The following NPAS2 variants were observed in gnomAD, a reference collection of about 807,000 sequenced individuals.
The protein encoded by NPAS2 is neuronal PAS domain-containing protein 2.
In NPAS2, 23 loss-of-function variants were observed where a neutral mutation model predicts 107.5. The observed-to-expected ratio is 0.21, with a 90% confidence interval of 0.15 to 0.30. NPAS2 has a LOEUF of 0.30. Ranked by LOEUF, NPAS2 falls within the 10% of genes least tolerant of loss-of-function variation. The pLI, the probability that NPAS2 is intolerant of heterozygous loss-of-function variation, is 1.00. For synonymous variants in NPAS2, 403 were observed against 417.5 expected (o/e 0.97, Z 0.42); for missense variants, 756 against 1,043.3 (o/e 0.72, Z 3.79).
At chr2:100,978,033 T>C (rs1677139676) in intron 15 of NPAS2, among the ~76,000 whole-genome samples, 1 of 152,194 alleles carries the variant, frequency 6.6e-6, no homozygotes, top group Admixed American at 6.5e-5. Context: ...TCAGTAGTTT[T>C]GAGGGAACAG....
chr2:100,940,216 C>T (rs76023220), intron 5 of NPAS2, among the ~76,000 whole-genome samples: 4,175 of 152,236 alleles, frequency 0.027, 91 homozygotes, highest in Non-Finnish European at 0.045. Context: ...GGAGGAAGCC[C>T]CAATGGCCCA....
rs371740917 is a variant in NPAS2 at position 100,865,111 on chromosome 2, A to G, written c.-22-39622A>G. On this transcript the variant is annotated intron_variant, in intron 1 of 20. Coordinates refer to ENST00000335681, the MANE Select transcript of NPAS2 (RefSeq NM_002518.4). ...AGACAGATAATGTCTTGGCTTTATT[A>G]TGAAAATAGTTTAGACTTTATGGAT... Among the ~76,000 whole-genome samples the G allele has an allele frequency of 5.0e-4, 76 of 152,324 alleles. 1 individual carries two copies. The highest frequency in any genetic ancestry group is 1.8e-3 in the African/African-American group (76 of 41,580).
chr2:100,990,950 C>A, intron 19 of NPAS2, 78 bp downstream of exon 19: 3 of 1,201,692 alleles, frequency 2.5e-6, no homozygotes, highest in Non-Finnish European at 2.4e-6. Context: ...CCCGCCTGGG[C>A]CAGCAGCACT....
chr2:100,935,022 G>A (rs180713794), intron 4 of NPAS2: 1 of 985,380 alleles, frequency 1.0e-6, no homozygotes, highest in African/African-American at 1.7e-5. Flanking sequence ...TTCTCTCTAA[G>A]AGGCACAAAA....
Position 100,926,361 on chromosome 2 carries a change from A to G in NPAS2, c.181+1067A>G, listed in dbSNP as rs143827805. Among the ~76,000 whole-genome samples the G allele has an allele frequency of 5.0e-3, 766 of 152,338 alleles. 8 individuals are homozygous for G. Among genetic ancestry groups the G allele is most frequent in the African/African-American group, 0.017 (726 of 41,594 alleles). On this transcript the variant is annotated intron_variant, in intron 3 of 20. Transcript: ENST00000335681. ...CTGAGGAACTGCCAAACTGTTTTCCAAGGTGGCTTGTACCTATTTATATTC... is the reference window on the plus strand; with the variant it reads ...CTGAGGAACTGCCAAACTGTTTTCCGAGGTGGCTTGTACCTATTTATATTC...
At chr2:100,921,822 C>G (rs946004261) in intron 2 of NPAS2, among the ~76,000 whole-genome samples, 2 of 152,154 alleles carry the variant, frequency 1.3e-5, no homozygotes, top group Non-Finnish European at 2.9e-5. Context: ...AATTCCATGC[C>G]TCTGTATTCA....
At position 100,995,493 on chromosome 2, in the gene NPAS2, C is replaced by T; in HGVS notation, c.2386C>T (p.Pro796Ser). ...GCCAGGGACCCTGGGCTACCCCCAA[C>T]CACCCCCAGCACAGCCCCAGCCCCT... ...QQPGTLGYPQ[P>S]PPAQPQPLRP... Residue 796 changes from proline to serine, a missense_variant, in exon 21 of 21, where the codon CCA becomes TCA. Around this residue, in one of 4 missense-constraint regions of NPAS2, gnomAD observed 496 missense variants for 594.4 expected, o/e 0.83. Coordinates refer to ENST00000335681, the MANE Select transcript of NPAS2 (RefSeq NM_002518.4). 6.2e-7 allele frequency: 1 copy of T among 1,613,252 alleles called. No homozygotes were observed. Among genetic ancestry groups the T allele is most frequent in the South Asian group, 1.1e-5 (1 of 91,058 alleles).
At chr2:100,916,536 A>G (rs1033531703) in intron 2 of NPAS2, among the ~76,000 whole-genome samples, 9 of 152,224 alleles carry the variant, frequency 5.9e-5, no homozygotes, top group African/African-American at 1.7e-4. Flanking sequence ...ATACAGGATC[A>G]ATTCACCAAG....
chr2:100,912,586 T>C (rs1682627067), intron 2 of NPAS2, among the ~76,000 whole-genome samples: 1 of 152,216 alleles, frequency 6.6e-6, no homozygotes, highest in Non-Finnish European at 1.5e-5. Context: ...AGCTCAAAGA[T>C]GGTGGGTAGA....
chr2:100,993,329 C>G lies in NPAS2; in HGVS notation c.2112-18C>G, dbSNP rs771423155. 6.5e-7 allele frequency: 1 copy of G among 1,544,602 alleles called. No homozygotes were observed. The highest frequency in any genetic ancestry group is 8.8e-7 in the Non-Finnish European group (1 of 1,140,922). On this transcript the variant is annotated intron_variant, in intron 19 of 20. Coordinates refer to ENST00000335681, the MANE Select transcript of NPAS2 (RefSeq NM_002518.4). The stretch of plus-strand genomic sequence containing the variant: ...TGCTTTCTTAAAGGACCTGTTTTCT[C>G]CTTCCCACGTGAAACAGGTACGCCC...
chr2:100,911,415 G>A (rs1050306494), intron 2 of NPAS2, among the ~76,000 whole-genome samples: 1 of 152,206 alleles, frequency 6.6e-6, no homozygotes, highest in Non-Finnish European at 1.5e-5. Flanking sequence ...AATGTTTGAA[G>A]ATGTGAGCAA....
At chr2:100,941,285 C>T (rs1674560694) in intron 5 of NPAS2, among the ~76,000 whole-genome samples, 1 of 152,216 alleles carries the variant, frequency 6.6e-6, no homozygotes, top group Non-Finnish European at 1.5e-5. Flanking sequence ...TGAGAACTGG[C>T]AGGCGCGGTG....
chr2:100,981,383 C>G (rs983107628), intron 15 of NPAS2, among the ~76,000 whole-genome samples: 5 of 152,100 alleles, frequency 3.3e-5, no homozygotes. Flanking sequence ...CCCCGAAGAG[C>G]CCAGAGCAGG....
chr2:100,933,839 T>C, intron 4 of NPAS2, among the ~76,000 whole-genome samples: 1 of 152,186 alleles, frequency 6.6e-6, no homozygotes, highest in East Asian at 1.9e-4. Context: ...CTGGGACAGA[T>C]GAGCTCAGCA....
At chr2:100,912,243 TATTTATTTATTTATTA>T (rs1471033088) in intron 2 of NPAS2, among the ~76,000 whole-genome samples, 6 of 109,596 alleles carry the variant, frequency 5.5e-5, no homozygotes, top group South Asian at 3.7e-4. Flanking sequence ...TTTATTTATT[TATTTATTTATTTATTA>T]TTATTATTTT....
In NPAS2 at chr2:100,907,625, C is replaced by T. The variant is rs562832440; in HGVS notation, c.32+2839C>T. 2.4e-4 allele frequency among the ~76,000 whole-genome samples: 37 copies of T among 152,194 alleles called. 1 individual carries two copies. The highest frequency in any genetic ancestry group is 1.0e-3 in the South Asian group (5 of 4,814). ...GCCTGGCATGAATTGTTTTTACTCA[C>T]CCATTATTTTTGATGAGATTAGAAA... On this transcript the variant is annotated intron_variant, in intron 2 of 20. Coordinates refer to ENST00000335681, the MANE Select transcript of NPAS2 (RefSeq NM_002518.4).
At chr2:100,928,050 G>A (rs1055581720) in intron 3 of NPAS2, among the ~76,000 whole-genome samples, 7 of 152,068 alleles carry the variant, frequency 4.6e-5, no homozygotes, top group Non-Finnish European at 8.8e-5. Flanking sequence ...AAGAGGGTGC[G>A]GCTGGGACAT....
At chr2:100,969,826 G>C (rs1290966932) in intron 11 of NPAS2, among the ~76,000 whole-genome samples, 1 of 152,122 alleles carries the variant, frequency 6.6e-6, no homozygotes, top group Non-Finnish European at 1.5e-5. Flanking sequence ...ACAGGTGTAA[G>C]TGTGCACCTA....
chr2:100,907,482 A>G (rs890773266), intron 2 of NPAS2, among the ~76,000 whole-genome samples: 69 of 113,560 alleles, frequency 6.1e-4, no homozygotes, highest in Non-Finnish European at 7.0e-4. Context: ...CCCTCCTAAC[A>G]CTTGGGAACA....
Sources: gnomAD v4.1 joint callset for allele counts (sites outside exome capture counted in the v4.1 genomes callset) on GRCh38, gnomAD v4.1.1 for gene constraint, gnomAD v4.1.1 regional missense constraint, MANE v1.5 for transcripts, NCBI Gene and HGNC (gene_info 2026-07-23, HGNC 2026-07-21) for gene names.